The following SPAG16 variants were observed in gnomAD, a reference collection of about 807,000 sequenced individuals.
SPAG16 encodes the protein sperm associated antigen 16, also known as sperm-associated antigen 16 protein.
SPAG16 carries 86 observed loss-of-function variants against 80.4 expected under a neutral mutation model. The ratio of observed to expected loss-of-function variants is 1.07; its 90% CI spans 0.90 to 1.28. The LOEUF (loss-of-function observed/expected upper bound fraction) is 1.28, where lower values mean the gene tolerates loss of function less well. Ranked by LOEUF, SPAG16 falls within the 50% of genes most tolerant of loss-of-function variation. The pLI, the probability that SPAG16 is intolerant of heterozygous loss-of-function variation, is 0.00. For synonymous variants in SPAG16, 294 were observed against 265.9 expected (o/e 1.11, Z -1.03); for missense variants, 870 against 765.3 (o/e 1.14, Z -1.61).
chr2:214,018,020 T>C (rs1385603732), intron 13 of SPAG16, among the ~76,000 whole-genome samples: 1 of 152,068 alleles, frequency 6.6e-6, no homozygotes, highest in African/African-American at 2.4e-5. Context: ...AAAAATATTT[T>C]CAAACCAAGT....
chr2:213,869,288 T>TAC (rs1389615429), intron 11 of SPAG16, among the ~76,000 whole-genome samples: 4 of 113,460 alleles, frequency 3.5e-5, no homozygotes, highest in Non-Finnish European at 6.1e-5. Flanking sequence ...TATGTATATA[T>TAC]ATATGTATAT....
rs534490274 is a variant in SPAG16, at chr2:214,236,913, T to C, written c.1720+87647T>C. 6.2e-4 allele frequency among the ~76,000 whole-genome samples: 94 copies of C among 152,262 alleles called. No homozygotes were observed. The Middle Eastern group carries it at 0.01, about 17-fold the overall frequency. Reference sequence around the variant, plus strand: ...TTTTCCTTAGGAAAACTGCATGATATCTATTTTGAATCCTCCACCTGGCAT... The same window carrying C: ...TTTTCCTTAGGAAAACTGCATGATACCTATTTTGAATCCTCCACCTGGCAT... On this transcript the variant is annotated intron_variant, in intron 15 of 15. Coordinates refer to ENST00000331683, the MANE Select transcript of SPAG16 (RefSeq NM_024532.5).
At chr2:213,873,868 C>T (rs1423950810) in intron 11 of SPAG16, among the ~76,000 whole-genome samples, 2 of 151,952 alleles carry the variant, frequency 1.3e-5, no homozygotes, top group East Asian at 3.9e-4. Context: ...GGAGCGTGTA[C>T]TTACACAAAC....
At chr2:213,293,285 CCCA>C (rs1289970491) in intron 1 of SPAG16, among the ~76,000 whole-genome samples, 1 of 152,160 alleles carries the variant, frequency 6.6e-6, no homozygotes, top group Non-Finnish European at 1.5e-5. Context: ...TTATAAATTA[CCCA>C]GTCTTGGGTA....
chr2:214,283,483 A>G (rs1693120894), intron 15 of SPAG16, among the ~76,000 whole-genome samples: 1 of 152,134 alleles, frequency 6.6e-6, no homozygotes. Flanking sequence ...AATTGCCACA[A>G]GGCCTATAAG....
chr2:213,566,567 G>T lies in SPAG16; in HGVS notation c.1070+76477G>T, dbSNP rs539004707. On this transcript the variant is annotated intron_variant, in intron 10 of 15. Transcript: ENST00000331683. ...GCTATTATTTTATTATAAGTAAATT[G>T]CTATGCTTCACAGTAATTTCTGACC... Among the ~76,000 whole-genome samples the T allele has an allele frequency of 2.0e-4, 31 of 152,220 alleles. 1 individual carries two copies. In the South Asian group the frequency reaches 6.2e-3, roughly 31 times the overall value.
intron 12 of SPAG16, among the ~76,000 whole-genome samples, chr2:213,960,682 A>G (rs2044368284): frequency 1.3e-5 from 2 of 152,190 alleles, no homozygotes; most frequent in South Asian, 2.1e-4. Flanking sequence ...ATGTGTGGTC[A>G]CTTTCTAATT....
chr2:213,801,778 A>C (rs1207197700), intron 10 of SPAG16, among the ~76,000 whole-genome samples: 1 of 152,216 alleles, frequency 6.6e-6, no homozygotes, highest in African/African-American at 2.4e-5. Flanking sequence ...ACGTGTCAAT[A>C]TGAGAAGGGA....
At chr2:214,397,833 G>A (rs1416171223) in intron 15 of SPAG16, among the ~76,000 whole-genome samples, 4 of 152,116 alleles carry the variant, frequency 2.6e-5, no homozygotes, top group Non-Finnish European at 5.9e-5. Context: ...TTGCACATCT[G>A]GAATGACTAT....
At chr2:214,006,101 C>T (rs75434656) in intron 12 of SPAG16, among the ~76,000 whole-genome samples, 4,536 of 152,142 alleles carry the variant, frequency 0.03, 165 homozygotes, top group African/African-American at 0.09. Flanking sequence ...TTTGAAAACA[C>T]GGATAGATAT....
chr2:213,622,492 T>C (rs2061823201), intron 10 of SPAG16, among the ~76,000 whole-genome samples: 1 of 152,254 alleles, frequency 6.6e-6, no homozygotes, highest in Non-Finnish European at 1.5e-5. Context: ...CCATGGCCTC[T>C]GCTGCAGCAC....
intron 8 of SPAG16, among the ~76,000 whole-genome samples, chr2:213,366,154 A>G (rs867657477): frequency 9.2e-5 from 14 of 151,438 alleles, no homozygotes; most frequent in African/African-American, 1.9e-4. Context: ...AAAAAAAAAA[A>G]AAAAAGAAGA....
At chr2:213,307,875 G>A (rs182761175) in intron 3 of SPAG16, among the ~76,000 whole-genome samples, 1 of 152,208 alleles carries the variant, frequency 6.6e-6, no homozygotes, top group South Asian at 2.1e-4. Context: ...AATGATTGTC[G>A]AATTTTGTAT....
chr2:213,532,569 C>T (rs184027846), intron 10 of SPAG16, among the ~76,000 whole-genome samples: 7 of 151,160 alleles, frequency 4.6e-5, no homozygotes, highest in Admixed American at 2.6e-4. Flanking sequence ...TCAAGCGATT[C>T]TCCTGCCTCA....
chr2:213,400,666 C>T (rs1412072467), intron 9 of SPAG16, among the ~76,000 whole-genome samples: 1 of 152,098 alleles, frequency 6.6e-6, no homozygotes, highest in Non-Finnish European at 1.5e-5. Context: ...TCCTGTACAC[C>T]TAGATGTTAC....
chr2:213,820,480 C>G (rs1254647012), intron 10 of SPAG16, among the ~76,000 whole-genome samples: 2 of 151,928 alleles, frequency 1.3e-5, no homozygotes, highest in Admixed American at 1.3e-4. Flanking sequence ...TGGCAGACTG[C>G]ACAGGAATAG....
intron 10 of SPAG16, among the ~76,000 whole-genome samples, chr2:213,627,184 C>T (rs1048033318): frequency 2.6e-5 from 4 of 152,144 alleles, no homozygotes; most frequent in African/African-American, 7.2e-5. Context: ...AGGATAGAAG[C>T]GGGATCCTCA....
intron 10 of SPAG16, among the ~76,000 whole-genome samples, chr2:213,824,357 G>C (rs1237560742): frequency 6.6e-6 from 1 of 152,148 alleles, no homozygotes; most frequent in South Asian, 2.1e-4. Context: ...TTTTCTTTTA[G>C]CAGTTTCATA....
At chr2:214,059,312 T>TA (rs1379084573) in intron 13 of SPAG16, among the ~76,000 whole-genome samples, 5 of 148,350 alleles carry the variant, frequency 3.4e-5, no homozygotes, top group Non-Finnish European at 5.9e-5. Context: ...ATCCTCAGAC[T>TA]TCTGAATGGT....
Sources: allele counts gnomAD v4.1 joint callset (sites outside exome capture counted in the v4.1 genomes callset), GRCh38; gene constraint gnomAD v4.1.1; transcripts MANE v1.5; gene names NCBI Gene and HGNC (gene_info 2026-07-23, HGNC 2026-07-21).